Variants in NBEAL1 observed in about 807,000 individuals in gnomAD.
The protein encoded by NBEAL1 is neurobeachin-like protein 1.
NBEAL1 carries 273 observed loss-of-function variants against 351.3 expected under a neutral mutation model. The observed-to-expected ratio is 0.78, with a 90% CI of 0.70 to 0.86. The LOEUF (loss-of-function observed/expected upper bound fraction) is 0.86. Ranked by LOEUF, NBEAL1 falls within the 40% of genes least tolerant of loss-of-function variation. The pLI is 0.00. For missense variants in NBEAL1, 2,961 were observed against 3,201.3 expected (o/e 0.92, Z 1.81); for synonymous variants, 1,050 against 1,086.4 (o/e 0.97, Z 0.66).
intron 24 of NBEAL1, among the ~76,000 whole-genome samples, chr2:203,129,812 A>C (rs1476178373): frequency 6.6e-6 from 1 of 152,232 alleles, no homozygotes; most frequent in African/African-American, 2.4e-5. Context: ...CATATGGATA[A>C]AAGAGGATAG....
chr2:203,207,034 C>T (rs1244049604), intron 51 of NBEAL1, among the ~76,000 whole-genome samples: 1 of 151,886 alleles, frequency 6.6e-6, no homozygotes, highest in African/African-American at 2.4e-5. Flanking sequence ...GTCCGGCCGC[C>T]CATCATCTGA....
At chr2:203,072,469 C>G (rs1360296939) in intron 7 of NBEAL1, among the ~76,000 whole-genome samples, 1 of 150,836 alleles carries the variant, frequency 6.6e-6, no homozygotes, top group African/African-American at 2.4e-5. Flanking sequence ...GCTTCTGGTT[C>G]TTTTGTGCTT....
intron 2 of NBEAL1, among the ~76,000 whole-genome samples, chr2:203,033,633 A>T (rs566976443): frequency 1.3e-5 from 2 of 152,328 alleles, no homozygotes; most frequent in East Asian, 3.9e-4. Context: ...GGAAATGATG[A>T]TCAGTAGTTT....
intron 2 of NBEAL1, chr2:203,040,812 CA>C: frequency 2.0e-6 from 1 of 504,320 alleles, no homozygotes; most frequent in South Asian, 1.7e-5. Context: ...CACTATATAC[CA>C]AAAATATAGT....
intron 54 of NBEAL1, among the ~76,000 whole-genome samples, chr2:203,212,909 A>G (rs940013723): frequency 1.3e-5 from 2 of 152,198 alleles, no homozygotes; most frequent in Non-Finnish European, 2.9e-5. Flanking sequence ...CATTTCAGGG[A>G]TAAGATCAGA....
intron 3 of NBEAL1, among the ~76,000 whole-genome samples, chr2:203,046,308 C>T (rs1455373326): frequency 2.0e-5 from 3 of 151,964 alleles, no homozygotes; most frequent in Non-Finnish European, 2.9e-5. Flanking sequence ...CTCTGCCTCC[C>T]GGGTTCACGC....
At chr2:203,186,301 T>C (rs2064895428) in intron 44 of NBEAL1, among the ~76,000 whole-genome samples, 1 of 152,206 alleles carries the variant, frequency 6.6e-6, no homozygotes, top group Non-Finnish European at 1.5e-5. Flanking sequence ...TGGATGAAAC[T>C]ACTCAGATGT....
chr2:203,136,447 C>G, intron 28 of NBEAL1, 152 bp from the exon 29 acceptor site: 1 of 736,348 alleles, frequency 1.4e-6, no homozygotes, highest in South Asian at 2.1e-5. Flanking sequence ...TCTTACTCAT[C>G]TTATGTCTCT....
rs1324274146 is a variant in NBEAL1 at position 203,039,449 on chromosome 2, G to A, written c.52-2316G>A. On this transcript the variant is annotated intron_variant, in intron 2 of 55. Coordinates refer to ENST00000683969, the MANE Select transcript of NBEAL1 (RefSeq NM_001378026.1). Reference sequence around the variant, plus strand: ...GATAGAGTCTTGCTTTGTTGCTCAGGCTGGAGTGCAGTAGCATGATCTCAG... The same window carrying A: ...GATAGAGTCTTGCTTTGTTGCTCAGACTGGAGTGCAGTAGCATGATCTCAG... Among the ~76,000 whole-genome samples, 7 of 144,930 alleles carry A rather than the reference G, an allele frequency of 4.8e-5. 1 individual carries two copies. The highest frequency in any genetic ancestry group is 1.1e-4 in the Non-Finnish European group (7 of 64,840).
At chr2:203,089,957 A>T (rs1034697907) in intron 10 of NBEAL1, among the ~76,000 whole-genome samples, 1 of 152,190 alleles carries the variant, frequency 6.6e-6, no homozygotes, top group African/African-American at 2.4e-5. Context: ...TTCCTTTGCC[A>T]CTTTGAGAAA....
intron 12 of NBEAL1, among the ~76,000 whole-genome samples, chr2:203,105,998 G>A (rs565713458): frequency 5.9e-5 from 9 of 152,224 alleles, no homozygotes; most frequent in African/African-American, 1.9e-4. Flanking sequence ...CTATCAATTT[G>A]ATACTAGTTT....
intron 35 of NBEAL1, among the ~76,000 whole-genome samples, chr2:203,151,869 A>G (rs534407089): frequency 6.6e-6 from 1 of 152,296 alleles, no homozygotes; most frequent in East Asian, 1.9e-4. Context: ...TTGCAATGAA[A>G]CAATGTTCTT....
intron 2 of NBEAL1, among the ~76,000 whole-genome samples, chr2:203,024,789 G>T (rs976992047): frequency 1.3e-5 from 2 of 152,048 alleles, no homozygotes; most frequent in Admixed American, 1.3e-4. Context: ...TTGAACCTGG[G>T]GGGCGGAGAC....
chr2:203,100,844 A>C (rs1409623751), intron 12 of NBEAL1, among the ~76,000 whole-genome samples: 1 of 152,082 alleles, frequency 6.6e-6, no homozygotes, highest in Non-Finnish European at 1.5e-5. Context: ...CACCACACCC[A>C]GCCCTGTTTT....
At chr2:203,109,648 T>C (rs2062517334) in intron 14 of NBEAL1, among the ~76,000 whole-genome samples, 1 of 152,136 alleles carries the variant, frequency 6.6e-6, no homozygotes, top group African/African-American at 2.4e-5. Context: ...GCCACCTAAG[T>C]AGCTGGGACT....
intron 3 of NBEAL1, among the ~76,000 whole-genome samples, chr2:203,046,272 G>C (rs1488386570): frequency 1.3e-5 from 2 of 151,926 alleles, no homozygotes; most frequent in African/African-American, 4.8e-5. Context: ...CGGGAGTGCA[G>C]TGGCCCGATC....
chr2:203,058,669 G>A (rs1292231298), intron 6 of NBEAL1, among the ~76,000 whole-genome samples: 1 of 152,202 alleles, frequency 6.6e-6, no homozygotes, highest in Non-Finnish European at 1.5e-5. Flanking sequence ...GAGTGATGCT[G>A]ATGAGTATAG....
chr2:203,138,700 A>C lies in NBEAL1; in HGVS notation c.4800A>C (p.Gln1600His), dbSNP rs758510390. The C allele has an allele frequency of 6.2e-7, 1 of 1,613,260 alleles. No individual in the cohort carries two copies. The highest frequency in any genetic ancestry group is 1.7e-5 in the Admixed American group (1 of 59,880). ...SESPVWVKLS[Q>H]IQIQLLLGFI... is the part of the protein sequence containing the mutation. ...GTCCAGTATGGGTAAAACTCTCTCAAATTCAGATCCAGTTGCTTCTAGGAT... is the reference window on the plus strand; with the variant it reads ...GTCCAGTATGGGTAAAACTCTCTCACATTCAGATCCAGTTGCTTCTAGGAT... The change falls in exon 31 of 56, where the codon CAA (glutamine) becomes CAC (histidine). Residue 1600 changes from glutamine (Q) to histidine (H), a missense_variant. Coordinates refer to ENST00000683969, the MANE Select transcript of NBEAL1 (RefSeq NM_001378026.1).
chr2:203,196,346 C>T (rs1009179450), intron 47 of NBEAL1, among the ~76,000 whole-genome samples: 1 of 152,134 alleles, frequency 6.6e-6, no homozygotes, highest in Non-Finnish European at 1.5e-5. Flanking sequence ...CCTTGGGTAC[C>T]AATAACTTGT....
Sources: allele counts gnomAD v4.1 joint callset (sites outside exome capture counted in the v4.1 genomes callset), GRCh38; gene constraint gnomAD v4.1.1; transcripts MANE v1.5; gene names NCBI Gene and HGNC (gene_info 2026-07-23, HGNC 2026-07-21).